Variants in STXBP5 observed in about 807,000 individuals in gnomAD.
STXBP5 encodes syntaxin-binding protein 5.
STXBP5 carries 50 observed loss-of-function variants against 152.4 expected under a neutral mutation model. That is an observed-to-expected ratio of 0.33 (90% CI 0.26 to 0.42). STXBP5 has a LOEUF of 0.42. STXBP5 is among the 10% of genes least tolerant of loss of function. The probability of loss-of-function intolerance (pLI) is 1.00; values close to 1 mark genes in which losing one functional copy is unlikely to be tolerated. For synonymous variants in STXBP5, 492 were observed against 494.7 expected (o/e 0.99, Z 0.07); for missense variants, 1,167 against 1,388.6 (o/e 0.84, Z 2.54).
At chr6:147,287,682 G>A (rs547682576) in intron 8 of STXBP5, among the ~76,000 whole-genome samples, 1 of 152,228 alleles carries the variant, frequency 6.6e-6, no homozygotes, top group African/African-American at 2.4e-5. Flanking sequence ...AAATTAATGG[G>A]CATTCCCTTT....
intron 4 of STXBP5, among the ~76,000 whole-genome samples, chr6:147,240,972 A>T (rs962528216): frequency 2.0e-5 from 3 of 152,132 alleles, no homozygotes; most frequent in Non-Finnish European, 2.9e-5. Context: ...TTAAACAGAA[A>T]ATGGGATATC....
At chr6:147,358,888 A>T (rs1173258059) in intron 22 of STXBP5, among the ~76,000 whole-genome samples, 196 bp from the exon 23 acceptor site, 1 of 152,134 alleles carries the variant, frequency 6.6e-6, no homozygotes, top group African/African-American at 2.4e-5. Context: ...GAGGTGGAGG[A>T]AAATCCATGT....
At chr6:147,372,636 T>C (rs1336830448) in intron 25 of STXBP5, among the ~76,000 whole-genome samples, 2 of 151,734 alleles carry the variant, frequency 1.3e-5, no homozygotes, top group African/African-American at 2.4e-5. Flanking sequence ...GGTTTCACCA[T>C]GTTGGTCAGG....
intron 25 of STXBP5, among the ~76,000 whole-genome samples, chr6:147,367,127 C>G (rs753732908): frequency 6.6e-6 from 1 of 152,064 alleles, no homozygotes; most frequent in Non-Finnish European, 1.5e-5. Context: ...AAAATAAAAT[C>G]AAACTTCTAA....
At chr6:147,206,715 A>G (rs1776583739) in intron 2 of STXBP5, among the ~76,000 whole-genome samples, 1 of 152,190 alleles carries the variant, frequency 6.6e-6, no homozygotes, top group African/African-American at 2.4e-5. Context: ...GTTACTATAC[A>G]TTAAACTAGT....
In STXBP5 at chr6:147,316,504, A is replaced by G. The variant is rs867975808; in HGVS notation, c.1802+97A>G. On this transcript the variant is annotated intron_variant, in intron 16 of 27. Transcript: ENST00000321680. The stretch of plus-strand genomic sequence containing the variant: ...CTATGGTAACATTTTCTTTTGATAT[A>G]GCAAAATGGCATAAGAATGGTTCTT... 30 of 1,117,936 alleles carry G rather than the reference A, an allele frequency of 2.7e-5. 2 individuals are homozygous for G. The highest frequency in any genetic ancestry group is 6.3e-4 in the Middle Eastern group (2 of 3,160). The allele number at this position is 1,117,936 out of a possible 1,614,324, so 69.3% of individuals were successfully genotyped here.
intron 22 of STXBP5, among the ~76,000 whole-genome samples, chr6:147,357,460 T>C (rs982592122): frequency 1.3e-5 from 2 of 152,162 alleles, no homozygotes; most frequent in Non-Finnish European, 2.9e-5. Flanking sequence ...GTGAAGAGTC[T>C]TAAAAACTTG....
At chr6:147,297,286 G>C (rs1781573988) in intron 9 of STXBP5, among the ~76,000 whole-genome samples, 1 of 152,142 alleles carries the variant, frequency 6.6e-6, no homozygotes, top group Non-Finnish European at 1.5e-5. Context: ...GGTTAGTAGA[G>C]AATGGATGGT....
chr6:147,282,042 T>G (rs1582886085), intron 8 of STXBP5, among the ~76,000 whole-genome samples: 1 of 152,196 alleles, frequency 6.6e-6, no homozygotes, highest in African/African-American at 2.4e-5. Flanking sequence ...TAGGCACTTT[T>G]CTTAGCTGTG....
In STXBP5 at chr6:147,239,183, G is replaced by A; in HGVS notation, c.344G>A (p.Ser115Asn). 6.2e-7 allele frequency: 1 copy of A among 1,613,316 alleles called. No individual in the cohort carries two copies. Among genetic ancestry groups the A allele is most frequent in the Non-Finnish European group, 8.5e-7 (1 of 1,179,546 alleles). The change falls in exon 4 of 28, where the codon AGT becomes AAT. Residue 115 changes from serine (S) to asparagine (N), a missense_variant. Coordinates refer to ENST00000321680, the MANE Select transcript of STXBP5 (RefSeq NM_001127715.4). ...TTGATTTTTAAGGGAGCGCTTGTGAGTGCCTTGGCTGATGACACCTTACAC... is the reference window on the plus strand; with the variant it reads ...TTGATTTTTAAGGGAGCGCTTGTGAATGCCTTGGCTGATGACACCTTACAC... ...QFLINEGALVSALADDTLHLW... is the reference protein window; with the variant it reads ...QFLINEGALVNALADDTLHLW...
chr6:147,250,496 T>G (rs1779029710), intron 4 of STXBP5, among the ~76,000 whole-genome samples: 1 of 152,100 alleles, frequency 6.6e-6, no homozygotes. Flanking sequence ...TATGGGAAGA[T>G]TTGTGTAGGT....
intron 21 of STXBP5, among the ~76,000 whole-genome samples, chr6:147,347,332 AG>A (rs1402156568): frequency 6.6e-6 from 1 of 152,148 alleles, no homozygotes; most frequent in Non-Finnish European, 1.5e-5. Flanking sequence ...TGAAGACAAT[AG>A]GCAGACATTT....
At chr6:147,383,135 T>A (rs1786173495) in intron 27 of STXBP5, 137 bp downstream of exon 27, 1 of 1,020,052 alleles carries the variant, frequency 9.8e-7, no homozygotes, top group Non-Finnish European at 1.4e-6. Flanking sequence ...GTTCCTGATT[T>A]TTGCCACCAG....
At chr6:147,350,781 T>C (rs1023263877) in intron 21 of STXBP5, among the ~76,000 whole-genome samples, 1 of 152,174 alleles carries the variant, frequency 6.6e-6, no homozygotes, top group Non-Finnish European at 1.5e-5. Context: ...CAATAAATAA[T>C]AACATTTATT....
chr6:147,287,717 A>C (rs1781053594), intron 8 of STXBP5, among the ~76,000 whole-genome samples: 1 of 152,156 alleles, frequency 6.6e-6, no homozygotes, highest in African/African-American at 2.4e-5. Flanking sequence ...AACATTGCAA[A>C]TTATGCTGCA....
At chr6:147,355,166 A>G (rs562890581) in intron 22 of STXBP5, among the ~76,000 whole-genome samples, 41 of 152,296 alleles carry the variant, frequency 2.7e-4, no homozygotes, top group African/African-American at 9.9e-4. Flanking sequence ...TACACTTATG[A>G]TTGTCACATT....
chr6:147,228,349 C>A (rs968523040), intron 2 of STXBP5, among the ~76,000 whole-genome samples: 2 of 151,934 alleles, frequency 1.3e-5, no homozygotes, highest in African/African-American at 4.8e-5. Flanking sequence ...TGTTTCCTAG[C>A]AACTAGCAAT....
At position 147,356,949 on chromosome 6, in the gene STXBP5, G is replaced by A. The variant is rs1181762399; in HGVS notation, c.2306-2135G>A. ...AATAAATCCTAATGGAACAGCAGAA[G>A]CGTTGGTTTAGACATTCTCAACTAT... On this transcript the variant is annotated intron_variant, in intron 22 of 27. Coordinates refer to ENST00000321680, the MANE Select transcript of STXBP5 (RefSeq NM_001127715.4). 7.2e-5 allele frequency among the ~76,000 whole-genome samples: 11 copies of A among 152,152 alleles called. 1 individual carries two copies. The East Asian group carries it at 1.9e-3, about 27-fold the overall frequency.
chr6:147,248,373 G>C (rs1258684562), intron 4 of STXBP5, among the ~76,000 whole-genome samples: 1 of 151,896 alleles, frequency 6.6e-6, no homozygotes, highest in Admixed American at 6.6e-5. Flanking sequence ...CATTAAAGTA[G>C]AGATGCAAAT....
Sources: allele counts gnomAD v4.1 joint callset (sites outside exome capture counted in the v4.1 genomes callset), GRCh38; gene constraint gnomAD v4.1.1; transcripts MANE v1.5; gene names NCBI Gene and HGNC (gene_info 2026-07-23, HGNC 2026-07-21).